ELSPBP1: variants seen among roughly 807,000 people sequenced by gnomAD.
ELSPBP1 encodes the protein epididymal sperm-binding protein 1.
ELSPBP1 carries 38 observed loss-of-function variants against 33.3 expected under a neutral mutation model. The observed-to-expected ratio is 1.14, with a 90% confidence interval of 0.88 to 1.50. The LOEUF (loss-of-function observed/expected upper bound fraction) is 1.50, where lower values mean the gene tolerates loss of function less well. Ranked by LOEUF, ELSPBP1 falls within the 40% of genes most tolerant of loss-of-function variation. The pLI, the probability that ELSPBP1 is intolerant of heterozygous loss-of-function variation, is 0.00. For missense variants in ELSPBP1, 267 were observed against 263.5 expected, an observed-to-expected ratio of 1.01 and a Z score of -0.09; for synonymous variants, 85 against 94.1, an observed-to-expected ratio of 0.90 and a Z score of 0.56.
Position 48,016,005 on chromosome 19 carries a change from T to C in ELSPBP1, c.321T>C (p.Asp107=). The change falls in exon 4 of 7, where the codon GAT becomes GAC. Residue 107 remains aspartate (D), a synonymous_variant. Transcript: ENST00000339841. ...GGTGCTCAGTCACCTCTGTCTTCGA[T>C]GAGAAACAGCAGTGGAAATTCTGTG... ...SLWCSVTSVF[D]EKQQWKFCET... 5.6e-6 allele frequency: 9 copies of C among 1,613,898 alleles called. No individual in the cohort carries two copies. Among genetic ancestry groups the C allele is most frequent in the Non-Finnish European group, 5.9e-6 (7 of 1,179,966 alleles).
chr19:48,007,196 CACAGGAACG>C (rs1486640926), intron 1 of ELSPBP1, among the ~76,000 whole-genome samples: 1 of 152,098 alleles, frequency 6.6e-6, no homozygotes, highest in African/African-American at 2.4e-5. Context: ...CACCCGGAGA[CACAGGAACG>C]ACTAAATACA....
chr19:48,024,073 G>A (rs985977550), intron 6 of ELSPBP1, among the ~76,000 whole-genome samples: 26 of 148,630 alleles, frequency 1.7e-4, no homozygotes, highest in South Asian at 4.3e-4. Context: ...TAGTAGAGAC[G>A]GGGTTTCACC....
At chr19:48,002,095 A>C (rs1966973857) in intron 1 of ELSPBP1, among the ~76,000 whole-genome samples, 1 of 152,144 alleles carries the variant, frequency 6.6e-6, no homozygotes, top group East Asian at 1.9e-4. Context: ...CTACCCACCA[A>C]GCGTCTATGA....
chr19:48,006,584 AGTCTGGGC>A (rs113442755), intron 1 of ELSPBP1, among the ~76,000 whole-genome samples: 39,392 of 136,546 alleles, frequency 0.29, 5,767 homozygotes, highest in Middle Eastern at 0.38. Context: ...ACTGCACTCC[AGTCTGGGC>A]GTCTGGGCGA....
At chr19:48,012,187 G>A (rs1967086467) in intron 2 of ELSPBP1, among the ~76,000 whole-genome samples, 1 of 152,138 alleles carries the variant, frequency 6.6e-6, no homozygotes, top group Non-Finnish European at 1.5e-5. Context: ...GTACAGTGGT[G>A]CAATCATGGC....
chr19:48,013,508 G>A (rs1240873540), intron 2 of ELSPBP1, among the ~76,000 whole-genome samples: 1 of 152,124 alleles, frequency 6.6e-6, no homozygotes, highest in African/African-American at 2.4e-5. Context: ...CCTGAGGTTA[G>A]GAGTTTGAGA....
chr19:48,022,989 AG>A (rs1967218714), intron 6 of ELSPBP1, among the ~76,000 whole-genome samples: 1 of 151,960 alleles, frequency 6.6e-6, no homozygotes, highest in Admixed American at 6.6e-5. Flanking sequence ...AGTTGCAGTG[AG>A]CTATGATTAC....
chr19:48,000,749 G>A (rs969987086), intron 1 of ELSPBP1, among the ~76,000 whole-genome samples: 8 of 152,166 alleles, frequency 5.3e-5, no homozygotes, highest in Admixed American at 4.6e-4. Flanking sequence ...GGCTTGAGAG[G>A]GAGCCTAAGG....
rs147185616 is a variant in ELSPBP1 at position 48,015,426 on chromosome 19, C to T, written c.209-467C>T. The stretch of plus-strand genomic sequence containing the variant: ...ATCCCAGCACTTTGGGAGGCCGAGG[C>T]GGGTGGATCACCTGAGGCCAGGAGT... On this transcript the variant is annotated intron_variant, in intron 3 of 6. Coordinates refer to ENST00000339841, the MANE Select transcript of ELSPBP1 (RefSeq NM_022142.5). Among the ~76,000 whole-genome samples the T allele has an allele frequency of 3.5e-3, 538 of 152,164 alleles. 3 individuals are homozygous for T. Among genetic ancestry groups the T allele is most frequent in the African/African-American group, 0.012 (513 of 41,526 alleles).
At chr19:48,023,849 A>C (rs181868059) in intron 6 of ELSPBP1, among the ~76,000 whole-genome samples, 2 of 148,568 alleles carry the variant, frequency 1.3e-5, no homozygotes, top group Non-Finnish European at 3.0e-5. Context: ...TTCTTTCTTT[A>C]TTTTTTTCTT....
intron 1 of ELSPBP1, among the ~76,000 whole-genome samples, chr19:48,005,962 G>A (rs574084207): frequency 2.0e-5 from 3 of 152,082 alleles, no homozygotes; most frequent in African/African-American, 4.8e-5. Flanking sequence ...TCTGTTTTTT[G>A]TTTTGTTTTG....
chr19:48,023,125 AAGAG>A (rs1021722360), intron 6 of ELSPBP1, among the ~76,000 whole-genome samples: 51 of 143,198 alleles, frequency 3.6e-4, no homozygotes, highest in Admixed American at 2.0e-3. Flanking sequence ...GAGGGAGGAA[AAGAG>A]AGAGGAAGGG....
chr19:48,016,212 C>T (rs773380947), intron 4 of ELSPBP1, among the ~76,000 whole-genome samples, 173 bp downstream of exon 4: 2 of 152,160 alleles, frequency 1.3e-5, no homozygotes, highest in African/African-American at 2.4e-5. Flanking sequence ...AGGGGTATCC[C>T]GAGGCCATTC....
intron 1 of ELSPBP1, among the ~76,000 whole-genome samples, chr19:47,997,346 A>C (rs555103888): frequency 6.6e-6 from 1 of 152,134 alleles, no homozygotes; most frequent in East Asian, 1.9e-4. Flanking sequence ...TTAACTCTGC[A>C]TGTTTTCATG....
chr19:48,012,158 C>G (rs1452644221), intron 2 of ELSPBP1, among the ~76,000 whole-genome samples: 1 of 152,184 alleles, frequency 6.6e-6, no homozygotes, highest in Non-Finnish European at 1.5e-5. Context: ...CAGGGTCTCA[C>G]TCTGTCACCC....
chr19:48,006,372 A>T (rs1396046314), intron 1 of ELSPBP1, among the ~76,000 whole-genome samples: 2 of 152,042 alleles, frequency 1.3e-5, no homozygotes, highest in East Asian at 3.9e-4. Flanking sequence ...CTAGCACTTT[A>T]AGAGGCCGAG....
chr19:48,012,387 G>T (rs1194579230), intron 2 of ELSPBP1, among the ~76,000 whole-genome samples: 1 of 151,944 alleles, frequency 6.6e-6, no homozygotes, highest in Non-Finnish European at 1.5e-5. Context: ...CAAAGTGCTG[G>T]GATTACAGGC....
chr19:48,024,719 G>T (rs1343368429), intron 6 of ELSPBP1, among the ~76,000 whole-genome samples: 2 of 152,158 alleles, frequency 1.3e-5, no homozygotes, highest in Non-Finnish European at 2.9e-5. Context: ...CTGGCACTTT[G>T]CAGGTCCCCT....
chr19:48,013,853 G>A (rs73046173), intron 2 of ELSPBP1, among the ~76,000 whole-genome samples: 25,519 of 152,092 alleles, frequency 0.17, 2,222 homozygotes, highest in South Asian at 0.23. Flanking sequence ...TCAGTTGCTG[G>A]TGAGGGCCTG....
Sources: allele counts gnomAD v4.1 joint callset (sites outside exome capture counted in the v4.1 genomes callset), GRCh38; gene constraint gnomAD v4.1.1; transcripts MANE v1.5; gene names NCBI Gene and HGNC (gene_info 2026-07-23, HGNC 2026-07-21).